PARG: variants seen among roughly 807,000 people sequenced by gnomAD.
The protein encoded by PARG is poly(ADP-ribose) glycohydrolase.
A neutral mutation model predicts 113.0 loss-of-function variants in PARG; 35 were observed. The ratio of observed to expected loss-of-function variants is 0.31; its 90% confidence interval spans 0.24 to 0.41. The LOEUF (loss-of-function observed/expected upper bound fraction) is 0.41, where lower values mean the gene tolerates loss of function less well. PARG is among the 10% of genes least tolerant of loss of function. The pLI is 1.00. For synonymous variants in PARG, 330 were observed against 409.9 expected, an observed-to-expected ratio of 0.81 and a Z score of 2.36; for missense variants, 797 against 1,169.4, an observed-to-expected ratio of 0.68 and a Z score of 4.64.
At chr10:49,934,724 C>G (rs1838663116) in intron 2 of PARG, among the ~76,000 whole-genome samples, 1 of 151,966 alleles carries the variant, frequency 6.6e-6, no homozygotes, top group Non-Finnish European at 1.5e-5. Flanking sequence ...TGGTGGGCGC[C>G]TGTAGTCCCA....
chr10:49,891,617 ATATATATTTTT>A (rs1389417204), intron 7 of PARG, among the ~76,000 whole-genome samples: 55 of 48,254 alleles, frequency 1.1e-3, no homozygotes, highest in African/African-American at 3.1e-3. Flanking sequence ...ATATATATAT[ATATATATTTTT>A]TTTTTTTTTT....
chr10:49,830,419 CAT>C lies in PARG; in HGVS notation c.2647+2382_2647+2383del, dbSNP rs1405900761. 3.3e-5 allele frequency among the ~76,000 whole-genome samples: 5 copies of C among 152,262 alleles called. No homozygotes were observed. In the East Asian group the frequency reaches 9.6e-4, roughly 29 times the overall value. ...AGAAAATGTAGGTGAAAGTCTTTAGCATAAAGGGACAGGAAACATCTTTATAA... is the reference window on the plus strand; with the variant it reads ...AGAAAATGTAGGTGAAAGTCTTTAGCAAAGGGACAGGAAACATCTTTATAA... On this transcript the variant is annotated intron_variant, in intron 16 of 17. Transcript: ENST00000616448.
chr10:49,932,364 A>C, intron 3 of PARG, 81 bp from the exon 4 acceptor site: 1 of 829,528 alleles, frequency 1.2e-6, no homozygotes, highest in Non-Finnish European at 2.1e-6. Context: ...AAACTTACCC[A>C]GACGTTATTG....
chr10:49,846,900 T>C (rs1554833425), intron 13 of PARG, among the ~76,000 whole-genome samples: 1 of 151,858 alleles, frequency 6.6e-6, no homozygotes, highest in Non-Finnish European at 1.5e-5. Context: ...ACAACATCTT[T>C]TTGTGCTAAA....
rs1350576825 is a variant in PARG, at chr10:49,898,840, T to C, written c.1738-13545A>G. ...ATAGTTTGCTTCAAGTCTATCCAAA[T>C]TTACTCTCCAGCTAAAAAGTAATTC... On this transcript the variant is annotated intron_variant, in intron 7 of 17. Transcript: ENST00000616448. Among the ~76,000 whole-genome samples the C allele has an allele frequency of 2.0e-5, 3 of 152,044 alleles. No homozygotes were observed. In the East Asian group the frequency reaches 5.8e-4, roughly 30 times the overall value.
chr10:49,821,050 T>C (rs782076138), intron 16 of PARG, among the ~76,000 whole-genome samples: 2 of 152,110 alleles, frequency 1.3e-5, no homozygotes, highest in Non-Finnish European at 2.9e-5. Context: ...CAAAATGGGC[T>C]GGGGAGCACA....
In PARG at chr10:49,840,889, T is replaced by C. The variant is rs561876946; in HGVS notation, c.2541+1061A>G. Among the ~76,000 whole-genome samples, 6 of 152,292 alleles carry C rather than the reference T, an allele frequency of 3.9e-5. No individual in the cohort carries two copies. In the South Asian group the frequency reaches 8.3e-4, roughly 21 times the overall value. ...TAATCTTATAACTAAATCCTACTCA[T>C]GGGAGTGAAAGAATGATTTTCAGAA... On this transcript the variant is annotated intron_variant, in intron 15 of 17. Transcript: ENST00000616448.
At chr10:49,926,147 G>C (rs1369877090) in intron 4 of PARG, among the ~76,000 whole-genome samples, 67 of 152,380 alleles carry the variant, frequency 4.4e-4, no homozygotes, top group African/African-American at 1.5e-3. Context: ...AAAGGAATGT[G>C]AGCTGGTATT....
At chr10:49,936,340 G>C (rs1289589053) in intron 1 of PARG, among the ~76,000 whole-genome samples, 1 of 152,150 alleles carries the variant, frequency 6.6e-6, no homozygotes, top group Non-Finnish European at 1.5e-5. Context: ...TGGAATACAA[G>C]AGAATTGTGT....
chr10:49,903,043 T>C (rs1376376294), intron 7 of PARG, among the ~76,000 whole-genome samples: 2 of 151,848 alleles, frequency 1.3e-5, no homozygotes, highest in African/African-American at 4.8e-5. Flanking sequence ...GTCAGGATGG[T>C]CTCGATCTCT....
At chr10:49,919,929 T>C (rs1235123149) in intron 6 of PARG, among the ~76,000 whole-genome samples, 1 of 152,152 alleles carries the variant, frequency 6.6e-6, no homozygotes, top group African/African-American at 2.4e-5. Context: ...AAGTAATAAT[T>C]GCAAAATAAT....
chr10:49,911,019 A>C (rs1394374716), intron 7 of PARG, among the ~76,000 whole-genome samples: 1 of 152,226 alleles, frequency 6.6e-6, no homozygotes, highest in Admixed American at 6.5e-5. Flanking sequence ...ACAGTGGCTC[A>C]TACCTGTAAT....
intron 13 of PARG, among the ~76,000 whole-genome samples, chr10:49,856,273 G>A (rs1461699997): frequency 6.6e-6 from 1 of 151,120 alleles, no homozygotes; most frequent in South Asian, 2.1e-4. Flanking sequence ...TCTGCCTCCC[G>A]GGTTCAAGTG....
rs527305047 is a variant in PARG at position 49,881,270 on chromosome 10, T to C, written c.1831-1440A>G. ...GCCAAGCCTGACCATCTTGGGCACA[T>C]GTTCTCAGATCTCCTGGGGCTGTGT... On this transcript the variant is annotated intron_variant, in intron 8 of 17. Coordinates refer to ENST00000616448, the MANE Select transcript of PARG (RefSeq NM_003631.5). 4.1e-3 allele frequency among the ~76,000 whole-genome samples: 623 copies of C among 152,328 alleles called. 3 individuals carry two copies. Among genetic ancestry groups the C allele is most frequent in the Admixed American group, 7.1e-3 (109 of 15,294 alleles).
chr10:49,885,724 T>C (rs1391438444), intron 7 of PARG, among the ~76,000 whole-genome samples: 3 of 152,112 alleles, frequency 2.0e-5, no homozygotes, highest in African/African-American at 7.2e-5. Context: ...ATTGAAGAAA[T>C]CTCCATAAAA....
chr10:49,832,331 C>T (rs1270014716), intron 16 of PARG, among the ~76,000 whole-genome samples: 1 of 152,200 alleles, frequency 6.6e-6, no homozygotes, highest in African/African-American at 2.4e-5. Flanking sequence ...CTCATACTGC[C>T]TCTCTCTCAT....
chr10:49,902,706 A>T (rs1398977942), intron 7 of PARG, among the ~76,000 whole-genome samples: 1 of 152,158 alleles, frequency 6.6e-6, no homozygotes, highest in Non-Finnish European at 1.5e-5. Context: ...CAACAACTAT[A>T]AAGCCTGGGC....
At chr10:49,826,463 G>T (rs782028687) in intron 16 of PARG, among the ~76,000 whole-genome samples, 2 of 152,184 alleles carry the variant, frequency 1.3e-5, no homozygotes, top group Non-Finnish European at 2.9e-5. Flanking sequence ...GGTAGAAAAT[G>T]ACATATCAGC....
At chr10:49,834,929 A>C (rs1844843325) in intron 15 of PARG, among the ~76,000 whole-genome samples, 1 of 152,224 alleles carries the variant, frequency 6.6e-6, no homozygotes, top group South Asian at 2.1e-4. Flanking sequence ...ATTAAATACA[A>C]AATTATTTTA....
Sources: allele counts gnomAD v4.1 joint callset (sites outside exome capture counted in the v4.1 genomes callset), GRCh38; gene constraint gnomAD v4.1.1; transcripts MANE v1.5; gene names NCBI Gene and HGNC (gene_info 2026-07-23, HGNC 2026-07-21).